SLC4A10: variants seen among roughly 807,000 people sequenced by gnomAD.
The protein encoded by SLC4A10 is sodium-driven chloride bicarbonate exchanger.
Under a neutral mutation model 137.7 loss-of-function variants are expected in SLC4A10, and 42 were observed. The observed-to-expected ratio is 0.30, with a 90% CI of 0.24 to 0.39. The LOEUF is 0.39. Among genes scored for constraint, SLC4A10 ranks in the 10% least tolerant of loss-of-function variants. SLC4A10 has a pLI of 1.00. For synonymous variants in SLC4A10, 474 were observed against 464.1 expected (o/e 1.02, Z -0.27); for missense variants, 925 against 1,355.0 (o/e 0.68, Z 4.98).
At chr2:161,867,583 A>G (rs1300593910) in intron 6 of SLC4A10, among the ~76,000 whole-genome samples, 1 of 152,058 alleles carries the variant, frequency 6.6e-6, no homozygotes. Context: ...TGGAATGTCA[A>G]GACTAGATTT....
intron 1 of SLC4A10, among the ~76,000 whole-genome samples, chr2:161,697,473 A>G (rs2042651281): frequency 6.6e-6 from 1 of 151,964 alleles, no homozygotes; most frequent in African/African-American, 2.4e-5. Flanking sequence ...ATCTTGAATT[A>G]ATTTTTGTAC....
chr2:161,871,179 A>T (rs1179781518), intron 6 of SLC4A10, among the ~76,000 whole-genome samples: 1 of 151,702 alleles, frequency 6.6e-6, no homozygotes. Flanking sequence ...TTACACTGGG[A>T]GTTTAGAGAA....
At chr2:161,624,641 A>T (rs2031892676) in intron 1 of SLC4A10, 75 bp downstream of exon 1, 1 of 1,544,260 alleles carries the variant, frequency 6.5e-7, no homozygotes, top group Non-Finnish European at 8.8e-7. Context: ...TCTGCTAGCT[A>T]GGTGCAGCGA....
chr2:161,954,549 A>G (rs1273925904), intron 19 of SLC4A10, among the ~76,000 whole-genome samples: 1 of 152,210 alleles, frequency 6.6e-6, no homozygotes, highest in African/African-American at 2.4e-5. Context: ...TTTGGCTGGC[A>G]TGCCTATCAG....
chr2:161,893,179 T>C (rs1462160692), intron 10 of SLC4A10, among the ~76,000 whole-genome samples: 1 of 152,084 alleles, frequency 6.6e-6, no homozygotes, highest in Non-Finnish European at 1.5e-5. Context: ...GGCAAAGAAG[T>C]ACAATCTTAC....
chr2:161,889,413 G>C (rs971568850), intron 10 of SLC4A10, among the ~76,000 whole-genome samples: 1 of 152,090 alleles, frequency 6.6e-6, no homozygotes, highest in African/African-American at 2.4e-5. Context: ...ATCTGGTGCT[G>C]GGCTTTTTTT....
intron 1 of SLC4A10, among the ~76,000 whole-genome samples, chr2:161,756,405 T>C (rs7573979): frequency 0.15 from 22,470 of 152,156 alleles, 3,299 homozygotes; most frequent in African/African-American, 0.38. Context: ...AATGTTTGTT[T>C]TCTTATTAGT....
chr2:161,863,571 A>G (rs2060557559), intron 6 of SLC4A10, among the ~76,000 whole-genome samples: 1 of 152,200 alleles, frequency 6.6e-6, no homozygotes, highest in African/African-American at 2.4e-5. Flanking sequence ...GGCTTTACAT[A>G]CATTATGGCT....
chr2:161,724,151 T>C (rs2045978143), intron 1 of SLC4A10, among the ~76,000 whole-genome samples: 1 of 152,196 alleles, frequency 6.6e-6, no homozygotes, highest in Non-Finnish European at 1.5e-5. Flanking sequence ...TGGACTATTG[T>C]AACCATTTCT....
chr2:161,847,379 A>G (rs921295159), intron 4 of SLC4A10, among the ~76,000 whole-genome samples: 1 of 151,546 alleles, frequency 6.6e-6, no homozygotes. Flanking sequence ...TTCAAGGGGT[A>G]TATGTGCAGG....
chr2:161,710,522 T>A (rs1234457085), intron 1 of SLC4A10: 1 of 210,046 alleles, frequency 4.8e-6, no homozygotes, highest in East Asian at 1.1e-4. Flanking sequence ...CAGAGAAATT[T>A]TTCTCTATTA....
rs537742806 is a variant in SLC4A10, at chr2:161,925,280, G to T, written c.1998-17512G>T. On this transcript the variant is annotated intron_variant, in intron 15 of 26. Transcript: ENST00000446997. ...TTCTTCCTGGTTTAGTCTTGGGAGGGTGTATGTGTCGAGGAATTTATCCAT... is the reference window on the plus strand; with the variant it reads ...TTCTTCCTGGTTTAGTCTTGGGAGGTTGTATGTGTCGAGGAATTTATCCAT... Among the ~76,000 whole-genome samples the T allele has an allele frequency of 2.6e-5, 4 of 152,264 alleles. No individual in the cohort carries two copies. In the East Asian group the frequency reaches 7.7e-4, roughly 29 times the overall value.
intron 2 of SLC4A10, among the ~76,000 whole-genome samples, chr2:161,785,234 A>G (rs1025998387): frequency 6.6e-6 from 1 of 152,042 alleles, no homozygotes; most frequent in African/African-American, 2.4e-5. Flanking sequence ...AAATTAAATC[A>G]GTAATAAAAG....
chr2:161,951,208 AC>A (rs1293275782), intron 19 of SLC4A10, among the ~76,000 whole-genome samples: 1 of 152,124 alleles, frequency 6.6e-6, no homozygotes, highest in African/African-American at 2.4e-5. Flanking sequence ...CCTCTATTTA[AC>A]CCTAAATGTA....
At chr2:161,767,356 C>T (rs2051021689) in intron 1 of SLC4A10, among the ~76,000 whole-genome samples, 1 of 150,562 alleles carries the variant, frequency 6.6e-6, no homozygotes, top group Non-Finnish European at 1.5e-5. Flanking sequence ...CTGACTATAA[C>T]TTCTTGTGTT....
chr2:161,687,958 T>A (rs2041612344), intron 1 of SLC4A10, among the ~76,000 whole-genome samples: 10 of 152,198 alleles, frequency 6.6e-5, no homozygotes, highest in Admixed American at 5.9e-4. Flanking sequence ...TATATCTTCA[T>A]AGCAATGTAA....
chr2:161,842,028 T>C (rs2059215982), intron 4 of SLC4A10, among the ~76,000 whole-genome samples: 1 of 152,218 alleles, frequency 6.6e-6, no homozygotes, highest in Non-Finnish European at 1.5e-5. Flanking sequence ...ATCATCTATT[T>C]GATGATTGCA....
intron 23 of SLC4A10, among the ~76,000 whole-genome samples, chr2:161,970,382 A>G (rs1698317174): frequency 6.6e-6 from 1 of 152,142 alleles, no homozygotes; most frequent in Non-Finnish European, 1.5e-5. Flanking sequence ...AATAACACTT[A>G]TGGTTTTCAA....
At chr2:161,670,077 G>T (rs1192871556) in intron 1 of SLC4A10, among the ~76,000 whole-genome samples, 1 of 152,124 alleles carries the variant, frequency 6.6e-6, no homozygotes, top group East Asian at 1.9e-4. Context: ...TTCGTGGGTT[G>T]TAGTGAAGAT....
Sources: gnomAD v4.1 joint callset for allele counts (sites outside exome capture counted in the v4.1 genomes callset) on GRCh38, gnomAD v4.1.1 for gene constraint, MANE v1.5 for transcripts, NCBI Gene and HGNC (gene_info 2026-07-23, HGNC 2026-07-21) for gene names.